Variants in TMEM204 observed in about 807,000 individuals in gnomAD.
The protein encoded by TMEM204 is claudin-like protein 24.
A neutral mutation model predicts 19.4 loss-of-function variants in TMEM204; 15 were observed. The ratio of observed to expected loss-of-function variants is 0.77; its 90% CI spans 0.52 to 1.19. The LOEUF is 1.19. Ranked by LOEUF, TMEM204 falls within the 50% of genes most tolerant of loss-of-function variation. The probability of loss-of-function intolerance (pLI) is 0.00; values close to 1 mark genes in which losing one functional copy is unlikely to be tolerated. For synonymous variants in TMEM204, 161 were observed against 146.0 expected (o/e 1.10, Z -0.74); for missense variants, 287 against 321.2 (o/e 0.89, Z 0.81).
At chr16:1,534,696 G>T in intron 1 of TMEM204, 141 bp downstream of exon 1, 1 of 1,265,360 alleles carries the variant, frequency 7.9e-7, no homozygotes, top group Non-Finnish European at 1.1e-6. Flanking sequence ...GCAGGCAGGA[G>T]GGGGCACTGT....
chr16:1,537,707 ATC>A (rs1455351271), intron 1 of TMEM204, among the ~76,000 whole-genome samples: 1 of 152,180 alleles, frequency 6.6e-6, no homozygotes, highest in East Asian at 1.9e-4. Context: ...TATTTACGTC[ATC>A]TCTCTGTATT....
At chr16:1,529,168 G>A (rs753746662), upstream of TMEM204, among the ~76,000 whole-genome samples, 59 of 152,312 alleles carry the variant, frequency 3.9e-4, no homozygotes, top group Middle Eastern at 0.01. Context: ...TTCCACGGAC[G>A]CATTCCACCA....
At position 1,554,780 on chromosome 16, in the gene TMEM204, A is replaced by T; in HGVS notation, c.437-2A>T. On this transcript the variant is annotated splice_acceptor_variant, in intron 2 of 2. Coordinates refer to ENST00000566264, the MANE Select transcript of TMEM204 (RefSeq NM_024600.6). LOFTEE classifies it high-confidence loss of function. ...GCCTCTCAACCCTTCTCTCATCTGC[A>T]GGTTTTGTCCTGGTCATCGGGCTCG... 1 of 1,613,944 alleles carries T rather than the reference A, an allele frequency of 6.2e-7. No homozygotes were observed. The highest frequency in any genetic ancestry group is 8.5e-7 in the Non-Finnish European group (1 of 1,179,858).
chr16:1,553,060 TC>T lies in TMEM204; in HGVS notation c.437-1721del. Reference sequence around the variant, plus strand: ...CACAGAAACCAGTCACTGTCATTGTTCAGGACAAAATGGAGATAGATAAATG... The same window carrying T: ...CACAGAAACCAGTCACTGTCATTGTTAGGACAAAATGGAGATAGATAAATG... On this transcript the variant is annotated intron_variant, in intron 2 of 2. Coordinates refer to ENST00000566264, the MANE Select transcript of TMEM204 (RefSeq NM_024600.6). This position sits in a 1 kb window ranked among gnomAD's most constrained non-coding sequence, Gnocchi z 4.4. 1 of 985,436 alleles carries T rather than the reference TC, an allele frequency of 1.0e-6. No individual in the cohort carries two copies. The highest frequency in any genetic ancestry group is 1.2e-6 in the Non-Finnish European group (1 of 829,938). 61.0% of individuals were successfully genotyped at this position (985,436 alleles called of 1,614,324 possible).
At chr16:1,546,571 A>T (rs1348503804) in intron 2 of TMEM204, among the ~76,000 whole-genome samples, 1 of 152,216 alleles carries the variant, frequency 6.6e-6, no homozygotes, top group Non-Finnish European at 1.5e-5. Context: ...CATGCTGAGA[A>T]GCTTCAGGCC....
At chr16:1,550,103 A>G (rs994565620) in intron 2 of TMEM204, among the ~76,000 whole-genome samples, 1 of 151,880 alleles carries the variant, frequency 6.6e-6, no homozygotes, top group Admixed American at 6.6e-5. Context: ...ACGCCCAGCT[A>G]ATTATTTGTA....
At position 1,534,268 on chromosome 16, in the gene TMEM204, C is replaced by T. The variant is rs754653931; in HGVS notation, c.-8C>T. The stretch of plus-strand genomic sequence containing the variant: ...TTCTCCGGATAAGCGGCGGCACCGG[C>T]GTCAGCGATGACCGTGCAGAGACTC... On this transcript the variant is annotated 5_prime_UTR_variant, in exon 1 of 3. Coordinates refer to ENST00000566264, the MANE Select transcript of TMEM204 (RefSeq NM_024600.6). 7.5e-6 allele frequency: 12 copies of T among 1,609,674 alleles called. No homozygotes were observed. The highest frequency in any genetic ancestry group is 1.7e-4 in the Middle Eastern group (1 of 6,058).
chr16:1,542,573 C>T (rs1030876320), intron 2 of TMEM204, among the ~76,000 whole-genome samples: 3 of 152,242 alleles, frequency 2.0e-5, no homozygotes, highest in African/African-American at 7.2e-5. Flanking sequence ...CTGTTATAAA[C>T]GCAGCTTCCT....
chr16:1,552,375 AGCTCTCC>A (rs2032723461), intron 2 of TMEM204, among the ~76,000 whole-genome samples: 1 of 151,598 alleles, frequency 6.6e-6, no homozygotes, highest in South Asian at 2.1e-4. Context: ...GGGTGTCCTG[AGCTCTCC>A]GCTGTGCCTG....
Position 1,534,550 on chromosome 16 carries a change from T to A in TMEM204, c.275T>A (p.Val92Asp), listed in dbSNP as rs2030863381. 2.5e-6 allele frequency: 4 copies of A among 1,602,648 alleles called. No homozygotes were observed. The highest frequency in any genetic ancestry group is 2.5e-6 in the Non-Finnish European group (3 of 1,179,850). Residue 92 changes from valine (V) to aspartate (D), a missense_variant, in exon 1 of 3, where the codon GTC becomes GAC. Physicochemically the swap from Val to Asp is radical, Grantham distance 152. Transcript: ENST00000566264. ...AAGFQESRGT[V>D]KLQFDMMRAC... ...GGCTTCCAGGAGTCCCGAGGCACCGTCAAACGTAAGTCCAATTGTTTTCCT... is the reference window on the plus strand; with the variant it reads ...GGCTTCCAGGAGTCCCGAGGCACCGACAAACGTAAGTCCAATTGTTTTCCT...
At chr16:1,540,105 G>A (rs2031486857) in intron 1 of TMEM204, among the ~76,000 whole-genome samples, 2 of 152,190 alleles carry the variant, frequency 1.3e-5, no homozygotes, top group South Asian at 4.1e-4. Flanking sequence ...GTGCCTCCAG[G>A]GATGCTGGGA....
intron 1 of TMEM204, among the ~76,000 whole-genome samples, chr16:1,538,085 C>T (rs1053059640): frequency 3.9e-5 from 6 of 152,232 alleles, no homozygotes; most frequent in African/African-American, 1.4e-4. Flanking sequence ...AACACCCAAG[C>T]AGTGAACGCC....
rs773410375 is a variant in TMEM204 at position 1,542,072 on chromosome 16, G to A, written c.432G>A (p.Leu144=). 7 of 1,605,320 alleles carry A rather than the reference G, an allele frequency of 4.4e-6. No homozygotes were observed. Among genetic ancestry groups the A allele is most frequent in the East Asian group, 2.2e-5 (1 of 44,576 alleles). Residue 144 remains leucine (L), a synonymous_variant, in exon 2 of 3, where the codon CTG becomes CTA. Coordinates refer to ENST00000566264, the MANE Select transcript of TMEM204 (RefSeq NM_024600.6). ...WEEAMAAAFQ[L]ASFVLVIGLV... ...AGGCCATGGCCGCTGCATTCCAACT[G>A]GCGAGTAAGTACCTGGGCGGGTGTG... is the stretch of plus-strand genomic sequence containing the variant.
At chr16:1,531,174 G>A (rs1445054163), upstream of TMEM204, 3 of 152,240 alleles carry the variant, frequency 2.0e-5, no homozygotes, top group African/African-American at 7.2e-5. This position sits in a 1 kb window ranked among gnomAD's most constrained non-coding sequence, Gnocchi z 4.7. Context: ...ATTCCAAGAA[G>A]TAAACACCCT....
At chr16:1,529,142 C>T (rs192285216), upstream of TMEM204, among the ~76,000 whole-genome samples, 2 of 152,340 alleles carry the variant, frequency 1.3e-5, no homozygotes, top group East Asian at 3.9e-4. Flanking sequence ...CCTGGTTTTA[C>T]ATGTACTCGG....
chr16:1,537,581 CA>C (rs923565086), intron 1 of TMEM204, among the ~76,000 whole-genome samples: 19 of 152,328 alleles, frequency 1.2e-4, no homozygotes, highest in African/African-American at 4.6e-4. Context: ...CATTACGGAT[CA>C]GGGGTGCTCT....
At chr16:1,542,919 T>A (rs953733160) in intron 2 of TMEM204, among the ~76,000 whole-genome samples, 1 of 151,778 alleles carries the variant, frequency 6.6e-6, no homozygotes, top group Non-Finnish European at 1.5e-5. Flanking sequence ...AGTGATGGAG[T>A]TGTCGTCAAC....
intron 1 of TMEM204, among the ~76,000 whole-genome samples, chr16:1,536,819 C>T (rs899857606): frequency 1.3e-5 from 2 of 152,204 alleles, no homozygotes; most frequent in Non-Finnish European, 2.9e-5. Context: ...TGCTCTCCCA[C>T]GGGGTGGCCC....
In TMEM204 at chr16:1,553,735, A is replaced by G; in HGVS notation, c.437-1047A>G. On this transcript the variant is annotated intron_variant, in intron 2 of 2. Transcript: ENST00000566264. This position sits in a 1 kb window ranked among gnomAD's most constrained non-coding sequence, Gnocchi z 4.4. ...CAGGACAATCTGTGGCCACATCCCC[A>G]TGGCTGTAGGGGATGAGGAGGGGCA... 8.8e-7 allele frequency: 1 copy of G among 1,139,176 alleles called. No homozygotes were observed. Among genetic ancestry groups the G allele is most frequent in the Non-Finnish European group, 1.1e-6 (1 of 914,322 alleles). 70.6% of individuals were successfully genotyped at this position (1,139,176 alleles called of 1,614,324 possible). A position where few individuals can be genotyped will look rare whatever the true frequency, so the allele number is the denominator to read the frequency against.
Sources: gnomAD v4.1 joint callset for allele counts (sites outside exome capture counted in the v4.1 genomes callset) on GRCh38, gnomAD v4.1.1 for gene constraint, Gnocchi (gnomAD v3.1) non-coding constraint, MANE v1.5 for transcripts, NCBI Gene and HGNC (gene_info 2026-07-23, HGNC 2026-07-21) for gene names.